The following SUGCT variants were observed in gnomAD, a reference collection of about 807,000 sequenced individuals.
SUGCT encodes succinyl-CoA:glutarate CoA-transferase.
A neutral mutation model predicts 55.0 loss-of-function variants in SUGCT; 41 were observed. The observed-to-expected ratio is 0.74, with a 90% CI of 0.58 to 0.97. SUGCT has a LOEUF of 0.97. Ranked by LOEUF, SUGCT falls within the 50% of genes least tolerant of loss-of-function variation. The pLI, the probability that SUGCT is intolerant of heterozygous loss-of-function variation, is 0.00. For synonymous variants in SUGCT, 187 were observed against 200.4 expected, an observed-to-expected ratio of 0.93 and a Z score of 0.56; for missense variants, 568 against 547.8, an observed-to-expected ratio of 1.04 and a Z score of -0.37.
At chr7:40,762,793 A>G (rs1257595246) in intron 13 of SUGCT, among the ~76,000 whole-genome samples, 1 of 151,974 alleles carries the variant, frequency 6.6e-6, no homozygotes, top group Admixed American at 6.6e-5. Flanking sequence ...TTTGACGGTA[A>G]GAAGCATAAA....
At chr7:40,250,069 G>T (rs1415766662) in intron 7 of SUGCT, among the ~76,000 whole-genome samples, 1 of 152,102 alleles carries the variant, frequency 6.6e-6, no homozygotes, top group African/African-American at 2.4e-5. Flanking sequence ...TTATAGGTGT[G>T]AGCCACTGCG....
chr7:40,527,689 A>G (rs1200294273), intron 12 of SUGCT, among the ~76,000 whole-genome samples: 1 of 152,226 alleles, frequency 6.6e-6, no homozygotes, highest in Non-Finnish European at 1.5e-5. Context: ...TGTTTAAAGT[A>G]TATCTGAGAT....
At chr7:40,147,328 T>TG (rs1302462996) in intron 1 of SUGCT, among the ~76,000 whole-genome samples, 4 of 152,186 alleles carry the variant, frequency 2.6e-5, no homozygotes, top group Non-Finnish European at 5.9e-5. Context: ...CCCCCCATCA[T>TG]GGGGATTTCT....
chr7:40,595,162 C>G (rs1797935084), intron 12 of SUGCT, among the ~76,000 whole-genome samples: 1 of 152,164 alleles, frequency 6.6e-6, no homozygotes, highest in Non-Finnish European at 1.5e-5. Flanking sequence ...TCCGCCACAA[C>G]TCTGTGAAAA....
At chr7:40,667,139 CAA>C (rs1333319647) in intron 12 of SUGCT, among the ~76,000 whole-genome samples, 6 of 148,724 alleles carry the variant, frequency 4.0e-5, no homozygotes, top group Admixed American at 6.7e-5. Flanking sequence ...ATTGGGACAA[CAA>C]AATGAATGAA....
At chr7:40,139,196 T>C (rs1787860170) in intron 1 of SUGCT, among the ~76,000 whole-genome samples, 2 of 152,028 alleles carry the variant, frequency 1.3e-5, no homozygotes, top group South Asian at 4.1e-4. Flanking sequence ...TTCATAATAT[T>C]AATTAATTTA....
In SUGCT at chr7:40,263,200, G is replaced by A. The variant is rs576529576; in HGVS notation, c.577-11313G>A. Among the ~76,000 whole-genome samples, 4 of 152,310 alleles carry A rather than the reference G, an allele frequency of 2.6e-5. No homozygotes were observed. The East Asian group carries it at 7.7e-4, about 29-fold the overall frequency. On this transcript the variant is annotated intron_variant, in intron 7 of 13. Coordinates refer to ENST00000335693, the MANE Select transcript of SUGCT (RefSeq NM_001193313.2). ...GCCTCCCAAAATGTTGGGATTACAG[G>A]CATGAGCCACGGTGCCCAGCCTAAA... is the stretch of plus-strand genomic sequence containing the variant.
At chr7:40,654,241 T>A (rs888939353) in intron 12 of SUGCT, among the ~76,000 whole-genome samples, 1 of 152,026 alleles carries the variant, frequency 6.6e-6, no homozygotes, top group Non-Finnish European at 1.5e-5. Flanking sequence ...CTTATGAGAA[T>A]GAAAAGGATA....
At chr7:40,622,988 TC>T (rs1272015439) in intron 12 of SUGCT, among the ~76,000 whole-genome samples, 2 of 152,236 alleles carry the variant, frequency 1.3e-5, no homozygotes, top group African/African-American at 2.4e-5. Context: ...ATTGGAAACT[TC>T]AGGGCTATGA....
chr7:40,163,435 C>G (rs1490072088), intron 1 of SUGCT, among the ~76,000 whole-genome samples: 1 of 152,028 alleles, frequency 6.6e-6, no homozygotes, highest in African/African-American at 2.4e-5. Context: ...GAAACCCCAT[C>G]TCTACTACAA....
chr7:41,012,540 T>C, the SUGCT span, among the ~76,000 whole-genome samples: 1 of 152,206 alleles, frequency 6.6e-6, no homozygotes, highest in South Asian at 2.1e-4. Context: ...TACTTGCACA[T>C]AGCAAGTGCT....
At chr7:40,994,691 G>T in the SUGCT span, among the ~76,000 whole-genome samples, 1 of 152,182 alleles carries the variant, frequency 6.6e-6, no homozygotes, top group Non-Finnish European at 1.5e-5. Context: ...ATGTTGAGAA[G>T]TGCGATTCCC....
chr7:40,245,508 C>T (rs1430015616), intron 7 of SUGCT, among the ~76,000 whole-genome samples: 12 of 129,370 alleles, frequency 9.3e-5, no homozygotes, highest in Non-Finnish European at 1.4e-4. Context: ...GGCATGATCT[C>T]GGCTCACTGC....
chr7:40,245,010 G>A (rs1403143384), intron 7 of SUGCT, among the ~76,000 whole-genome samples: 1 of 151,832 alleles, frequency 6.6e-6, no homozygotes, highest in Non-Finnish European at 1.5e-5. Flanking sequence ...TCTTTCCAGA[G>A]ATATTCTATT....
At chr7:40,325,393 AAT>A (rs1795976397) in intron 9 of SUGCT, among the ~76,000 whole-genome samples, 1 of 152,230 alleles carries the variant, frequency 6.6e-6, no homozygotes, top group African/African-American at 2.4e-5. Context: ...TTGTATTAGT[AAT>A]AACAGTAACA....
chr7:40,188,524 C>A lies in SUGCT; in HGVS notation c.256C>A (p.Pro86Thr), dbSNP rs989631466. ...GAGDDTRTWG[P>T]PFVGTESTYY... ...TGGTGATGATACACGAACTTGGGGGCCACCTTTTGTTGGGACAGAAAGTAC... is the reference window on the plus strand; with the variant it reads ...TGGTGATGATACACGAACTTGGGGGACACCTTTTGTTGGGACAGAAAGTAC... The change falls in exon 4 of 14, where the codon CCA becomes ACA. Residue 86 changes from proline to threonine, a missense_variant. Pro to Thr is a conservative substitution (Grantham distance 38). Transcript: ENST00000335693. 2 of 1,608,946 alleles carry A rather than the reference C, an allele frequency of 1.2e-6. No individual in the cohort carries two copies. Among genetic ancestry groups the A allele is most frequent in the Non-Finnish European group, 1.7e-6 (2 of 1,178,404 alleles).
intron 6 of SUGCT, among the ~76,000 whole-genome samples, chr7:40,220,691 T>C (rs1222233216): frequency 3.3e-5 from 5 of 152,202 alleles, no homozygotes; most frequent in Non-Finnish European, 7.3e-5. Flanking sequence ...CATAGATATA[T>C]CCCTTTTCAA....
the SUGCT span, among the ~76,000 whole-genome samples, chr7:40,975,926 G>A: frequency 6.6e-6 from 1 of 152,154 alleles, no homozygotes; most frequent in African/African-American, 2.4e-5. Flanking sequence ...AAGTGTTATG[G>A]CCAATTCTTT....
the SUGCT span, among the ~76,000 whole-genome samples, chr7:40,924,265 C>CGTGTGTGTGTGTGTGTGTGTGTGT: frequency 2.9e-4 from 40 of 136,124 alleles, no homozygotes; most frequent in East Asian, 1.1e-3. Context: ...CTTTCAATTA[C>CGTGTGTGTGTGTGTGTGTGTGTGT]GTGTGTGTGT....
Sources: allele counts gnomAD v4.1 joint callset (sites outside exome capture counted in the v4.1 genomes callset), GRCh38; gene constraint gnomAD v4.1.1; transcripts MANE v1.5; gene names NCBI Gene and HGNC (gene_info 2026-07-23, HGNC 2026-07-21).